The following CARS2 variants were observed in gnomAD, a reference collection of about 807,000 sequenced individuals.
The protein encoded by CARS2 is cysteinyl-tRNA synthetase 2, mitochondrial.
Under a neutral mutation model 68.8 loss-of-function variants are expected in CARS2, and 52 were observed. The ratio of observed to expected loss-of-function variants is 0.76; its 90% CI spans 0.61 to 0.95. The LOEUF (loss-of-function observed/expected upper bound fraction) is 0.95, where lower values mean the gene tolerates loss of function less well. Among genes scored for constraint, CARS2 ranks in the 40% least tolerant of loss-of-function variants. The pLI, the probability that CARS2 is intolerant of heterozygous loss-of-function variation, is 0.00. For missense variants in CARS2, 780 were observed against 754.2 expected (o/e 1.03, Z -0.40); for synonymous variants, 314 against 303.6 (o/e 1.03, Z -0.36).
At chr13:110,709,667 C>A (rs759066152), upstream of CARS2, among the ~76,000 whole-genome samples, 1 of 152,052 alleles carries the variant, frequency 6.6e-6, no homozygotes, top group Non-Finnish European at 1.5e-5. Flanking sequence ...CCTCAGCTTG[C>A]GGACAGTCTA....
chr13:110,711,757 A>C lies in CARS2; in HGVS notation n.399+1380T>G, dbSNP rs569290275. ...TATCCATCCATTTATCATTGCAGCA[A>C]CGTTGCAACGTGAACAATCCGATTC... On this transcript the variant is annotated intron_variant and non_coding_transcript_variant, in intron 1 of 2. Coordinates refer to the CARS2 transcript ENST00000485188. 5.9e-5 allele frequency among the ~76,000 whole-genome samples: 9 copies of C among 152,334 alleles called. No homozygotes were observed. In the South Asian group the frequency reaches 1.9e-3, roughly 32 times the overall value.
At chr13:110,680,120 C>T (rs933700012) in intron 6 of CARS2, among the ~76,000 whole-genome samples, 2 of 146,318 alleles carry the variant, frequency 1.4e-5, no homozygotes, top group Non-Finnish European at 3.0e-5. Flanking sequence ...TGGCTCACAC[C>T]GATAACCCCA....
In CARS2 at chr13:110,663,204, A is replaced by G. The variant is rs2296658; in HGVS notation, c.987+247T>C. ...AGGAAGAGGGCGCCGGCCTTGAAACACGGAAAGAGAAAGGGAAGCTCCACC... is the reference window on the plus strand; with the variant it reads ...AGGAAGAGGGCGCCGGCCTTGAAACGCGGAAAGAGAAAGGGAAGCTCCACC... On this transcript the variant is annotated intron_variant, in intron 9 of 14. Transcript: ENST00000257347. Among the ~76,000 whole-genome samples the G allele has an allele frequency of 0.78, 118,015 of 151,954 alleles. 46,554 individuals carry two copies. The highest frequency in any genetic ancestry group is 0.85 in the East Asian group (4,383 of 5,136).
In CARS2 at chr13:110,667,455, T is replaced by A; in HGVS notation, c.804A>T (p.Gln268His). The change falls in exon 8 of 15, where the codon CAA (glutamine) becomes CAT (histidine). Residue 268 changes from glutamine (Q) to histidine (H), a missense_variant. Coordinates refer to ENST00000257347, the MANE Select transcript of CARS2 (RefSeq NM_024537.4). ...SAIASMVFGS[Q>H]LDIHSGGIDL... ...CTATCCCACCTGAATGGATATCCAGTTGACTTCCAAATACCATACTGCAAG... is the reference window on the plus strand; with the variant it reads ...CTATCCCACCTGAATGGATATCCAGATGACTTCCAAATACCATACTGCAAG... The A allele has an allele frequency of 1.2e-6, 2 of 1,613,936 alleles. No homozygotes were observed. Among genetic ancestry groups the A allele is most frequent in the Non-Finnish European group, 1.7e-6 (2 of 1,179,886 alleles).
chr13:110,669,592 C>T (rs2062745473), intron 7 of CARS2, among the ~76,000 whole-genome samples: 2 of 152,118 alleles, frequency 1.3e-5, no homozygotes, highest in Admixed American at 1.3e-4. Flanking sequence ...ATTTCTGGTG[C>T]CGTTTCCAAG....
chr13:110,641,594 T>G lies in CARS2; in HGVS notation c.1638A>C (p.Thr546=), dbSNP rs1324974541. 6.2e-7 allele frequency: 1 copy of G among 1,613,906 alleles called. No homozygotes were observed. The highest frequency in any genetic ancestry group is 1.1e-5 in the South Asian group (1 of 91,080). The part of the protein sequence containing the change: ...HGINIKDRSS[T]TSTWELLDQR... ...GATCCAGCAGTTCCCACGTGGATGT[T>G]GTACTGCTTCTGTCCTGGAGAAGAA... The change falls in exon 15 of 15, where the codon ACA becomes ACC. Residue 546 remains threonine (T), a synonymous_variant. Transcript: ENST00000257347.
In CARS2 at chr13:110,653,215, T is replaced by TTTGTG. The variant is rs1555345350; in HGVS notation, c.988-2116_988-2115insCACAA. ...GGCTGGGGTATGTGTGTGTGTGTGTTTGTGTGTGTGTGTGTGAAGAGCCCC... is the reference window on the plus strand; with the variant it reads ...GGCTGGGGTATGTGTGTGTGTGTGTTTTGTGTGTGTGTGTGTGTGTGAAGAGCCCC... On this transcript the variant is annotated intron_variant, in intron 9 of 14. Coordinates refer to ENST00000257347, the MANE Select transcript of CARS2 (RefSeq NM_024537.4). The surrounding 1 kb of genome is among the most constrained non-coding windows in gnomAD (Gnocchi z 5.6). Among the ~76,000 whole-genome samples, 2,453 of 117,602 alleles carry TTTGTG rather than the reference T, an allele frequency of 0.021. 41 individuals are homozygous for TTTGTG. Among genetic ancestry groups the TTTGTG allele is most frequent in the Middle Eastern group, 0.1 (23 of 226 alleles). 77.2% of individuals were successfully genotyped at this position (117,602 alleles called of 152,430 possible).
chr13:110,654,362 G>GCTAT (rs1470917259), intron 9 of CARS2, among the ~76,000 whole-genome samples: 1 of 152,174 alleles, frequency 6.6e-6, no homozygotes, highest in Non-Finnish European at 1.5e-5. Flanking sequence ...TTTCACCCAG[G>GCTAT]CTATCATAAA....
At chr13:110,703,059 C>T (rs917915055) in intron 2 of CARS2, among the ~76,000 whole-genome samples, 10 of 152,162 alleles carry the variant, frequency 6.6e-5, no homozygotes, top group South Asian at 2.1e-4. Context: ...CTGCAACTGA[C>T]GCCCCATCCC....
At chr13:110,644,215 TAAG>T in intron 13 of CARS2, 167 bp downstream of exon 13, 1 of 1,445,704 alleles carries the variant, frequency 6.9e-7, no homozygotes, top group Non-Finnish European at 9.3e-7. Flanking sequence ...TTCCAATTAA[TAAG>T]TATTGGCTCT....
chr13:110,678,908 C>T (rs1322961702), intron 6 of CARS2, among the ~76,000 whole-genome samples: 2 of 152,094 alleles, frequency 1.3e-5, no homozygotes, highest in East Asian at 1.9e-4. Context: ...CATATGGACA[C>T]GCGGGGCGGG....
chr13:110,712,942 T>G (rs900013938), intron 1 of CARS2: 10 of 1,559,200 alleles, frequency 6.4e-6, no homozygotes, highest in Non-Finnish European at 8.7e-6. Context: ...GGGAGCCGCC[T>G]AGGCTGCTGG....
intron 6 of CARS2, among the ~76,000 whole-genome samples, chr13:110,679,910 T>G (rs921249717): frequency 2.0e-5 from 3 of 152,104 alleles, no homozygotes; most frequent in African/African-American, 7.2e-5. Context: ...AAACGGCATG[T>G]GCACTGAAGC....
Position 110,644,487 on chromosome 13 carries a change from T to TAAGA in CARS2, c.1318-8_1318-5dup. 1 of 1,613,920 alleles carries TAAGA rather than the reference T, an allele frequency of 6.2e-7. No individual in the cohort carries two copies. Among genetic ancestry groups the TAAGA allele is most frequent in the Non-Finnish European group, 8.5e-7 (1 of 1,179,958 alleles). ...GACTTCTCGGCCCTTCAGGTTCCTG[T>TAAGA]AAGAGATCATGTCGCAGAAGCTCCT... On this transcript the variant is annotated splice_region_variant and splice_polypyrimidine_tract_variant and intron_variant, in intron 12 of 14. Transcript: ENST00000257347.
intron 5 of CARS2, 27 bp downstream of exon 5, chr13:110,687,694 A>AG: frequency 2.3e-6 from 3 of 1,318,888 alleles, no homozygotes; most frequent in Non-Finnish European, 2.1e-6. Flanking sequence ...AAAAAAAAGA[A>AG]AAAAAAAAAA....
chr13:110,686,074 C>T (rs2063296291), intron 5 of CARS2, among the ~76,000 whole-genome samples: 1 of 151,462 alleles, frequency 6.6e-6, no homozygotes, highest in African/African-American at 2.4e-5. Context: ...AATGCACACG[C>T]AGCACATGCC....
At chr13:110,684,952 A>G (rs780509877) in intron 5 of CARS2, among the ~76,000 whole-genome samples, 9 of 152,212 alleles carry the variant, frequency 5.9e-5, no homozygotes, top group Non-Finnish European at 1.2e-4. Flanking sequence ...TTTTGAATTA[A>G]TTATATTTAT....
intron 9 of CARS2, 144 bp downstream of exon 9, chr13:110,663,307 G>A: frequency 1.3e-6 from 1 of 758,578 alleles, no homozygotes; most frequent in Non-Finnish European, 2.1e-6. Flanking sequence ...AAAGTGGGAG[G>A]GAGGTGAGGC....
chr13:110,706,079 C>G lies in CARS2; in HGVS notation c.15G>C (p.Thr5=), dbSNP rs1444656309. The change falls in exon 1 of 15, where the codon ACG becomes ACC. Residue 5 remains threonine (T), a synonymous_variant. Coordinates refer to ENST00000257347, the MANE Select transcript of CARS2 (RefSeq NM_024537.4). MLRT[T]RGPGLGPPLL... is the part of the protein sequence containing the mutation. ...GCGGGGGGCCCAGGCCTGGGCCGCG[C>G]GTAGTCCTCAACATGTCAGCGGCCA... 3.7e-6 allele frequency: 5 copies of G among 1,335,180 alleles called. No individual in the cohort carries two copies. The highest frequency in any genetic ancestry group is 4.8e-6 in the Non-Finnish European group (5 of 1,045,130). 82.7% of individuals were successfully genotyped at this position (1,335,180 alleles called of 1,614,324 possible).
Sources: allele counts gnomAD v4.1 joint callset (sites outside exome capture counted in the v4.1 genomes callset), GRCh38; gene constraint gnomAD v4.1.1; non-coding constraint Gnocchi (gnomAD v3.1); transcripts MANE v1.5; gene names NCBI Gene and HGNC (gene_info 2026-07-23, HGNC 2026-07-21).